TAF4B: variants seen among roughly 807,000 people sequenced by gnomAD.
TAF4B encodes transcription initiation factor TFIID subunit 4B.
A neutral mutation model predicts 86.4 loss-of-function variants in TAF4B; 38 were observed. That is an observed-to-expected ratio of 0.44 (90% confidence interval 0.34 to 0.58). The LOEUF is 0.58. Among genes scored for constraint, TAF4B ranks in the 20% least tolerant of loss-of-function variants. TAF4B has a pLI of 0.02. For synonymous variants in TAF4B, 388 were observed against 391.2 expected (o/e 0.99, Z 0.10); for missense variants, 988 against 1,027.6 (o/e 0.96, Z 0.53).
At chr18:26,239,634 T>G in intron 1 of TAF4B, among the ~76,000 whole-genome samples, 1 of 152,236 alleles carries the variant, frequency 6.6e-6, no homozygotes, top group Non-Finnish European at 1.5e-5. Context: ...GCCATTGCTT[T>G]TGGTGTTTTA....
intron 9 of TAF4B, among the ~76,000 whole-genome samples, chr18:26,309,619 T>G (rs1434411316): frequency 6.6e-6 from 1 of 152,100 alleles, no homozygotes; most frequent in African/African-American, 2.4e-5. Context: ...TTAATTTTTG[T>G]TAAAGTATGT....
intron 3 of TAF4B, among the ~76,000 whole-genome samples, chr18:26,268,625 C>T (rs981615650): frequency 6.6e-6 from 1 of 152,048 alleles, no homozygotes; most frequent in African/African-American, 2.4e-5. Context: ...TTAAGTGAAT[C>T]ACCTGAATCA....
At position 26,292,388 on chromosome 18, in the gene TAF4B, G is replaced by A; in HGVS notation, c.1726+7G>A. 6.2e-7 allele frequency: 1 copy of A among 1,610,026 alleles called. No individual in the cohort carries two copies. The highest frequency in any genetic ancestry group is 8.5e-7 in the Non-Finnish European group (1 of 1,178,550). On this transcript the variant is annotated splice_region_variant and intron_variant, in intron 8 of 14. Transcript: ENST00000269142. ...ACTAGTCAGTTTCCTCCAGGTAGAT[G>A]CTGGTCCATCTCAGTCCCATCATGC...
chr18:26,285,597 A>G (rs1383159692), intron 6 of TAF4B, among the ~76,000 whole-genome samples: 1 of 152,206 alleles, frequency 6.6e-6, no homozygotes, highest in Admixed American at 6.5e-5. Context: ...TTAGATGATT[A>G]TAGAAAAGTA....
At chr18:26,294,685 T>C (rs1472387605) in intron 9 of TAF4B, among the ~76,000 whole-genome samples, 2 of 149,786 alleles carry the variant, frequency 1.3e-5, no homozygotes, top group Non-Finnish European at 3.0e-5. Flanking sequence ...ATTAAAAATA[T>C]GTATATATAC....
At chr18:26,288,819 T>A (rs527601768) in intron 7 of TAF4B, among the ~76,000 whole-genome samples, 2 of 152,352 alleles carry the variant, frequency 1.3e-5, no homozygotes, top group South Asian at 4.1e-4. Context: ...TAGGTTTGAC[T>A]TGTTATACAT....
chr18:26,325,511 G>A (rs982414899), intron 11 of TAF4B, among the ~76,000 whole-genome samples: 4 of 152,216 alleles, frequency 2.6e-5, no homozygotes, highest in East Asian at 1.9e-4. Flanking sequence ...TTAGTGATAC[G>A]GAAGAAAAAA....
intron 5 of TAF4B, among the ~76,000 whole-genome samples, chr18:26,276,402 G>A (rs774225600): frequency 2.6e-5 from 4 of 152,028 alleles, no homozygotes; most frequent in Admixed American, 6.6e-5. Context: ...CAAACAAATG[G>A]ATTTGGATTT....
intron 14 of TAF4B, among the ~76,000 whole-genome samples, chr18:26,369,727 A>T (rs777073289): frequency 5.9e-5 from 9 of 152,222 alleles, no homozygotes; most frequent in Non-Finnish European, 1.2e-4. Flanking sequence ...GCAGAGTTAC[A>T]GCTGAACATG....
chr18:26,315,145 TG>T lies in TAF4B; in HGVS notation c.1833-83del, dbSNP rs1568147996. On this transcript the variant is annotated intron_variant, in intron 9 of 14. Coordinates refer to ENST00000269142, the MANE Select transcript of TAF4B (RefSeq NM_005640.3). ...CTCTCTCTCTCTCTCTCTCTCTCTC[TG>T]TCTCTCTCTCTCTCTCACACACACA... 507 of 160,534 alleles carry T rather than the reference TG, an allele frequency of 3.2e-3. 7 individuals are homozygous for T. The highest frequency in any genetic ancestry group is 7.2e-3 in the Middle Eastern group (4 of 554). The allele number at this position is 160,534 out of a possible 1,614,324, so 9.9% of individuals were successfully genotyped here.
Position 26,274,946 on chromosome 18 carries a change from G to C in TAF4B, c.775G>C (p.Val259Leu). The change falls in exon 5 of 15, where the codon GTG becomes CTG. Residue 259 changes from valine to leucine, a missense_variant. Coordinates refer to ENST00000269142, the MANE Select transcript of TAF4B (RefSeq NM_005640.3). ...INLSPTMLENVKKCKNFLAML... is the reference protein window; with the variant it reads ...INLSPTMLENLKKCKNFLAML... ...TCATATTTAGACAATGCTAGAAAAT[G>C]TGAAGAAATGCAAGAACTTCCTTGC... 1.2e-6 allele frequency: 2 copies of C among 1,613,472 alleles called. No homozygotes were observed. Among genetic ancestry groups the C allele is most frequent in the Non-Finnish European group, 1.7e-6 (2 of 1,179,780 alleles).
chr18:26,357,826 A>G, intron 14 of TAF4B, 32 bp downstream of exon 14: 1 of 1,520,306 alleles, frequency 6.6e-7, no homozygotes, highest in East Asian at 2.3e-5. Flanking sequence ...TTTTATTTTT[A>G]ATGTCAAGAA....
At chr18:26,317,294 A>G (rs1181504816) in intron 10 of TAF4B, among the ~76,000 whole-genome samples, 2 of 151,960 alleles carry the variant, frequency 1.3e-5, no homozygotes, top group East Asian at 3.9e-4. Flanking sequence ...GCCTCCCGAA[A>G]TGCTGGGGTT....
rs201044059 is a variant in TAF4B at position 26,274,734 on chromosome 18, G to A, written c.669G>A (p.Lys223=). 2.5e-6 allele frequency: 4 copies of A among 1,614,162 alleles called. No individual in the cohort carries two copies. The African/African-American group carries it at 5.3e-5, about 22-fold the overall frequency. The change falls in exon 4 of 15, where the codon AAG becomes AAA. Residue 223 remains lysine, a synonymous_variant. Coordinates refer to ENST00000269142, the MANE Select transcript of TAF4B (RefSeq NM_005640.3). Reference sequence around the variant, plus strand: ...CATTGAATACTGTAACTACCCTGAAGCCTTCAAGTTTGGGAGCATCATCCA... The same window carrying A: ...CATTGAATACTGTAACTACCCTGAAACCTTCAAGTTTGGGAGCATCATCCA... ...GKPLNTVTTL[K]PSSLGASSTP...
intron 14 of TAF4B, among the ~76,000 whole-genome samples, chr18:26,374,272 A>T (rs1406308456): frequency 2.6e-5 from 4 of 152,284 alleles, no homozygotes; most frequent in Middle Eastern, 6.8e-3. Context: ...AATTTTTTTT[A>T]AAAGGCTGTC....
intron 9 of TAF4B, chr18:26,295,264 T>G: frequency 2.8e-6 from 1 of 362,128 alleles, no homozygotes; most frequent in Non-Finnish European, 5.5e-6. Context: ...CTGTCATCTC[T>G]TGGTTGGATG....
rs1260610897 is a variant in TAF4B at position 26,231,344 on chromosome 18, G to GTTT, written c.343+4068_343+4069insTTT. On this transcript the variant is annotated intron_variant, in intron 1 of 14. Coordinates refer to ENST00000269142, the MANE Select transcript of TAF4B (RefSeq NM_005640.3). Reference sequence around the variant, plus strand: ...AGATGTGAGCCACCCAGCTGCTTGGGGTTTTTTTTTTTTTTTTTTTTTTTT... The same window carrying GTTT: ...AGATGTGAGCCACCCAGCTGCTTGGGTTTGTTTTTTTTTTTTTTTTTTTTTTTT... Among the ~76,000 whole-genome samples the GTTT allele has an allele frequency of 2.2e-3, 135 of 60,816 alleles. 10 individuals are homozygous for GTTT. Among genetic ancestry groups the GTTT allele is most frequent in the African/African-American group, 6.2e-3 (93 of 14,960 alleles). The allele number at this position is 60,816 out of a possible 152,430, so 39.9% of individuals were successfully genotyped here. A position where few individuals can be genotyped will look rare whatever the true frequency, so the allele number is the denominator to read the frequency against.
chr18:26,336,197 G>A (rs1339959166), intron 13 of TAF4B, among the ~76,000 whole-genome samples: 2 of 152,144 alleles, frequency 1.3e-5, no homozygotes, highest in Admixed American at 1.3e-4. Flanking sequence ...GGTTTCTATA[G>A]TTACTTCACT....
At chr18:26,373,163 C>G (rs568712400) in intron 14 of TAF4B, among the ~76,000 whole-genome samples, 70 of 152,122 alleles carry the variant, frequency 4.6e-4, no homozygotes, top group African/African-American at 1.6e-3. Context: ...CAGAGAGAGA[C>G]ACGTTTGGAT....
Sources: gnomAD v4.1 joint callset for allele counts (sites outside exome capture counted in the v4.1 genomes callset) on GRCh38, gnomAD v4.1.1 for gene constraint, MANE v1.5 for transcripts, NCBI Gene and HGNC (gene_info 2026-07-23, HGNC 2026-07-21) for gene names.